Variants in COPB1 observed in about 807,000 individuals in gnomAD.
COPB1 encodes coatomer subunit beta.
COPB1 carries 21 observed loss-of-function variants against 108.7 expected under a neutral mutation model. The ratio of observed to expected loss-of-function variants is 0.19; its 90% CI spans 0.14 to 0.28. The LOEUF is 0.28. Among genes scored for constraint, COPB1 ranks in the 10% least tolerant of loss-of-function variants. The pLI, the probability that COPB1 is intolerant of heterozygous loss-of-function variation, is 1.00. For missense variants in COPB1, 919 were observed against 1,141.3 expected, an observed-to-expected ratio of 0.81 and a Z score of 2.81; for synonymous variants, 378 against 386.8, an observed-to-expected ratio of 0.98 and a Z score of 0.27.
At chr11:14,459,103 T>C (rs1850088444) in intron 20 of COPB1, among the ~76,000 whole-genome samples, 1 of 152,166 alleles carries the variant, frequency 6.6e-6, no homozygotes, top group South Asian at 2.1e-4. Context: ...AGTACTTACA[T>C]ACAGGGTGGT....
At position 14,457,740 on chromosome 11, in the gene COPB1, G is replaced by C. The variant is rs1850059402; in HGVS notation, c.*84C>G. Reference sequence around the variant, plus strand: ...CAGCATGAACTCAGATTCTATATAAGCATGAAAGAGTACAAAAGATGTTGG... The same window carrying C: ...CAGCATGAACTCAGATTCTATATAACCATGAAAGAGTACAAAAGATGTTGG... On this transcript the variant is annotated 3_prime_UTR_variant, in exon 22 of 22. Transcript: ENST00000439561. The C allele has an allele frequency of 1.2e-6, 1 of 840,460 alleles. No individual in the cohort carries two copies. The highest frequency in any genetic ancestry group is 1.8e-5 in the Admixed American group (1 of 54,454). 52.1% of individuals were successfully genotyped at this position (840,460 alleles called of 1,614,324 possible). A position where few individuals can be genotyped will look rare whatever the true frequency, so the allele number is the denominator to read the frequency against.
chr11:14,478,552 C>T (rs1275381066), intron 11 of COPB1, among the ~76,000 whole-genome samples: 2 of 150,770 alleles, frequency 1.3e-5, no homozygotes, highest in Admixed American at 6.7e-5. Flanking sequence ...ACAATGGATA[C>T]AGAAGAAGTA....
At chr11:14,496,915 T>C (rs1028082478) in intron 2 of COPB1, among the ~76,000 whole-genome samples, 1 of 152,228 alleles carries the variant, frequency 6.6e-6, no homozygotes, top group Non-Finnish European at 1.5e-5. Flanking sequence ...TGAACTCATT[T>C]TGACAAAGGT....
chr11:14,457,779 C>A lies in COPB1; in HGVS notation c.*45G>T. The A allele has an allele frequency of 8.1e-7, 1 of 1,228,326 alleles. No homozygotes were observed. Among genetic ancestry groups the A allele is most frequent in the Non-Finnish European group, 1.2e-6 (1 of 832,246 alleles). The allele number at this position is 1,228,326 out of a possible 1,614,324, so 76.1% of individuals were successfully genotyped here. A position where few individuals can be genotyped will look rare whatever the true frequency, so the allele number is the denominator to read the frequency against. ...AAAAGATGTTGGAGTCCAGTAAGCC[C>A]ATACCTAAATTAACTGTAAAGCTTC... is the stretch of plus-strand genomic sequence containing the variant. On this transcript the variant is annotated 3_prime_UTR_variant, in exon 22 of 22. Transcript: ENST00000439561.
chr11:14,480,672 T>G, intron 10 of COPB1, 87 bp downstream of exon 10: 6 of 1,299,844 alleles, frequency 4.6e-6, no homozygotes, highest in Non-Finnish European at 5.3e-6. Context: ...TCTAGGCAGC[T>G]GAGATTTCTG....
In COPB1 at chr11:14,491,220, A is replaced by AT. The variant is rs764136844; in HGVS notation, c.492-542dup. Among the ~76,000 whole-genome samples, 22 of 150,982 alleles carry AT rather than the reference A, an allele frequency of 1.5e-4. 1 individual carries two copies. Among genetic ancestry groups the AT allele is most frequent in the Non-Finnish European group, 2.7e-4 (18 of 67,734 alleles). On this transcript the variant is annotated intron_variant, in intron 4 of 21. Transcript: ENST00000439561. Reference sequence around the variant, plus strand: ...CCACCATGCCAGGCTAATTTTTGTTATTTTTTTAGTAGAGACAGCATTTTG... The same window carrying AT: ...CCACCATGCCAGGCTAATTTTTGTTATTTTTTTTAGTAGAGACAGCATTTTG...
chr11:14,483,248 A>T, intron 7 of COPB1, 97 bp from the exon 8 acceptor site: 1 of 664,290 alleles, frequency 1.5e-6, no homozygotes, highest in African/African-American at 1.8e-5. Flanking sequence ...ACACACACAC[A>T]CACACACACA....
intron 20 of COPB1, among the ~76,000 whole-genome samples, chr11:14,459,081 A>G (rs908518193): frequency 5.3e-5 from 8 of 152,164 alleles, no homozygotes; most frequent in Admixed American, 4.6e-4. Context: ...TTGGTTATTT[A>G]TCACTTAAAA....
At chr11:14,475,367 A>C (rs180965988) in intron 13 of COPB1, among the ~76,000 whole-genome samples, 25 of 152,314 alleles carry the variant, frequency 1.6e-4, no homozygotes, top group Admixed American at 7.2e-4. Flanking sequence ...GGTATTCAGT[A>C]AAATTTTAGG....
chr11:14,484,330 TA>T lies in COPB1; in HGVS notation c.838-1180del, dbSNP rs199889663. Among the ~76,000 whole-genome samples, 1,359 of 152,336 alleles carry T rather than the reference TA, an allele frequency of 8.9e-3. 15 individuals are homozygous for T. Among genetic ancestry groups the T allele is most frequent in the African/African-American group, 0.031 (1,298 of 41,574 alleles). On this transcript the variant is annotated intron_variant, in intron 7 of 21. Coordinates refer to ENST00000439561, the MANE Select transcript of COPB1 (RefSeq NM_001144061.2). Reference sequence around the variant, plus strand: ...ATATGAATAAAGCCTGTAGTTTGGTTAATAATATTGTTCTGATGTTAATTTT... The same window carrying T: ...ATATGAATAAAGCCTGTAGTTTGGTTATAATATTGTTCTGATGTTAATTTT...
chr11:14,458,675 A>T lies in COPB1; in HGVS notation c.2659T>A (p.Tyr887Asn), dbSNP rs771967807. ...AGGTTGGCTGCCATAAAGCCACAGT[A>T]ACCAGAAAGGGCCTGGAAAAAATTT... Reference protein sequence around the residue: ...CLTPEKALSGYCGFMAANLYA... With the variant: ...CLTPEKALSGNCGFMAANLYA... The change falls in exon 21 of 22, where the codon TAC becomes AAC. Residue 887 changes from tyrosine to asparagine, a missense_variant. By Grantham distance (143) the Tyr-to-Asn change is moderately radical. Transcript: ENST00000439561. 2 of 1,611,282 alleles carry T rather than the reference A, an allele frequency of 1.2e-6. No homozygotes were observed. Among genetic ancestry groups the T allele is most frequent in the South Asian group, 1.1e-5 (1 of 90,476 alleles).
At chr11:14,482,460 T>C (rs1850680626) in intron 8 of COPB1, among the ~76,000 whole-genome samples, 1 of 152,214 alleles carries the variant, frequency 6.6e-6, no homozygotes, top group Non-Finnish European at 1.5e-5. Flanking sequence ...AAAATGAGTA[T>C]GTCACTGTCG....
chr11:14,498,353 T>C (rs1005883489), intron 2 of COPB1, among the ~76,000 whole-genome samples: 6 of 152,246 alleles, frequency 3.9e-5, no homozygotes, highest in African/African-American at 1.4e-4. Flanking sequence ...TGTTTTCTTA[T>C]TTGCAAAAAT....
chr11:14,459,000 T>G (rs1850086321), intron 20 of COPB1, among the ~76,000 whole-genome samples: 1 of 152,146 alleles, frequency 6.6e-6, no homozygotes, highest in Non-Finnish European at 1.5e-5. Context: ...ACTCCTGACC[T>G]CAAGTGATCC....
At chr11:14,494,101 A>G in intron 3 of COPB1, 109 bp downstream of exon 3, 1 of 780,192 alleles carries the variant, frequency 1.3e-6, no homozygotes. Flanking sequence ...AATCTCTACA[A>G]CTTACATCTT....
At chr11:14,493,607 T>G in intron 4 of COPB1, 35 bp downstream of exon 4, 1 of 1,554,962 alleles carries the variant, frequency 6.4e-7, no homozygotes, top group Non-Finnish European at 8.7e-7. Flanking sequence ...TAAACAGTAC[T>G]CACAGAATGA....
At chr11:14,493,957 A>T in intron 3 of COPB1, 146 bp from the exon 4 acceptor site, 1 of 779,276 alleles carries the variant, frequency 1.3e-6, no homozygotes, top group East Asian at 2.7e-5. Flanking sequence ...TGTTGACTGA[A>T]GCAATTTTTA....
intron 6 of COPB1, among the ~76,000 whole-genome samples, chr11:14,486,864 T>C (rs1850786613): frequency 6.6e-6 from 1 of 152,200 alleles, no homozygotes; most frequent in Non-Finnish European, 1.5e-5. Flanking sequence ...GTGTATGCTA[T>C]ACACAAGTGA....
chr11:14,476,931 C>T lies in COPB1; in HGVS notation c.1443G>A (p.Arg481=). ...DIQSVMTEIR[R]SLGEIPIVES... ...AAGTAAAACATACCTCTCCAAGGGACCTGCGGATCTCAGTCATCACACTCT... is the reference window on the plus strand; with the variant it reads ...AAGTAAAACATACCTCTCCAAGGGATCTGCGGATCTCAGTCATCACACTCT... The change falls in exon 12 of 22, where the codon AGG becomes AGA. Residue 481 remains arginine, a synonymous_variant. Coordinates refer to ENST00000439561, the MANE Select transcript of COPB1 (RefSeq NM_001144061.2). 1.2e-6 allele frequency: 2 copies of T among 1,605,042 alleles called. No individual in the cohort carries two copies. The highest frequency in any genetic ancestry group is 1.7e-6 in the Non-Finnish European group (2 of 1,171,812).
Sources: allele counts gnomAD v4.1 joint callset (sites outside exome capture counted in the v4.1 genomes callset), GRCh38; gene constraint gnomAD v4.1.1; transcripts MANE v1.5; gene names NCBI Gene and HGNC (gene_info 2026-07-23, HGNC 2026-07-21).